UGT1A8: variants seen among roughly 807,000 people sequenced by gnomAD.
UGT1A8 encodes UDP glucuronosyltransferase family 1 member A8, also known as UDP-glucuronosyltransferase 1A8.
A neutral mutation model predicts 45.3 loss-of-function variants in UGT1A8; 39 were observed. The ratio of observed to expected loss-of-function variants is 0.86; its 90% CI spans 0.67 to 1.12. The LOEUF is 1.12. Among genes scored for constraint, UGT1A8 ranks in the 50% most tolerant of loss-of-function variants. The probability of loss-of-function intolerance (pLI) is 0.00; values close to 1 mark genes in which losing one functional copy is unlikely to be tolerated. For synonymous variants in UGT1A8, 275 were observed against 249.2 expected, an observed-to-expected ratio of 1.10 and a Z score of -0.97; for missense variants, 719 against 664.9, an observed-to-expected ratio of 1.08 and a Z score of -0.90.
Position 233,769,822 on chromosome 2 carries a change from T to G in UGT1A8, c.1295+1383T>G, listed in dbSNP as rs978750106. ...ATGAGCCGTGATCATGCCACTGCAC[T>G]CCAGCAACCTGGGCAACAGAGTGAG... On this transcript the variant is annotated intron_variant, in intron 4 of 4. Coordinates refer to ENST00000373450, the MANE Select transcript of UGT1A8 (RefSeq NM_019076.5). This position sits in a 1 kb window ranked among gnomAD's most constrained non-coding sequence, Gnocchi z 4.4. 2.6e-6 allele frequency: 2 copies of G among 764,448 alleles called. No individual in the cohort carries two copies. Among genetic ancestry groups the G allele is most frequent in the Admixed American group, 3.7e-5 (1 of 26,868 alleles). The allele number at this position is 764,448 out of a possible 1,614,324, so 47.4% of individuals were successfully genotyped here.
chr2:233,747,876 T>C, intron 1 of UGT1A8: 1 of 1,613,612 alleles, frequency 6.2e-7, no homozygotes, highest in South Asian at 1.1e-5. Context: ...GGCCCTGTCC[T>C]ACCTTTGCCA....
intron 1 of UGT1A8, among the ~76,000 whole-genome samples, chr2:233,697,370 G>C (rs1402233705): frequency 2.6e-5 from 4 of 152,046 alleles, no homozygotes; most frequent in Non-Finnish European, 2.9e-5. Context: ...GGCATATAGA[G>C]TTCACAATAA....
intron 1 of UGT1A8, chr2:233,740,766 G>A (rs189465133): frequency 3.0e-4 from 46 of 151,826 alleles, no homozygotes; most frequent in Admixed American, 7.8e-4. Context: ...TTATCAAACC[G>A]TTGTATAAAA....
chr2:233,729,045 G>T lies in UGT1A8; in HGVS notation c.856-37989G>T. 4.4e-6 allele frequency: 7 copies of T among 1,607,648 alleles called. No homozygotes were observed. In the South Asian group the frequency reaches 7.8e-5, roughly 18 times the overall value. ...ACGTTGATTTGCTAAGTGGCTCAGT[G>T]ACAAGGTAATTAAGATGAAGAAAGC... On this transcript the variant is annotated intron_variant, in intron 1 of 4. Transcript: ENST00000373450.
At chr2:233,651,866 C>T (rs1338003982) in intron 1 of UGT1A8, among the ~76,000 whole-genome samples, 1 of 152,056 alleles carries the variant, frequency 6.6e-6, no homozygotes, top group Admixed American at 6.6e-5. Context: ...AGGGGTTTTT[C>T]CTGAAGGTCT....
intron 1 of UGT1A8, among the ~76,000 whole-genome samples, chr2:233,643,645 G>T (rs1384064069): frequency 1.3e-5 from 2 of 152,070 alleles, no homozygotes; most frequent in Non-Finnish European, 2.9e-5. Flanking sequence ...CATCACAGCT[G>T]GGAATGTGCT....
chr2:233,630,314 G>A (rs1223953574), intron 1 of UGT1A8, among the ~76,000 whole-genome samples: 2 of 152,122 alleles, frequency 1.3e-5, no homozygotes, highest in Non-Finnish European at 2.9e-5. Context: ...GAGCCATCTT[G>A]TGCTCCTACA....
chr2:233,704,765 G>A (rs1449805023), intron 1 of UGT1A8, among the ~76,000 whole-genome samples: 4 of 151,870 alleles, frequency 2.6e-5, no homozygotes, highest in South Asian at 2.1e-4. Context: ...AATATATTAC[G>A]CTTCCATATG....
chr2:233,707,058 A>C (rs1363542701), intron 1 of UGT1A8, among the ~76,000 whole-genome samples: 1 of 152,162 alleles, frequency 6.6e-6, no homozygotes, highest in Non-Finnish European at 1.5e-5. Flanking sequence ...TCAGGTGGAC[A>C]GAGTCCCATC....
chr2:233,626,827 A>C (rs72984460), intron 1 of UGT1A8, among the ~76,000 whole-genome samples: 3 of 152,210 alleles, frequency 2.0e-5, no homozygotes, highest in Non-Finnish European at 4.4e-5. Flanking sequence ...TGTTGAACTC[A>C]TGGATTCTGG....
intron 1 of UGT1A8, among the ~76,000 whole-genome samples, chr2:233,654,520 AC>A (rs796658899): frequency 4.6e-5 from 7 of 152,370 alleles, no homozygotes; most frequent in African/African-American, 1.2e-4. Flanking sequence ...ATAGAAAAAA[AC>A]GTTTTCTGCA....
At chr2:233,639,742 A>G (rs777146512) in intron 1 of UGT1A8, among the ~76,000 whole-genome samples, 7 of 152,180 alleles carry the variant, frequency 4.6e-5, no homozygotes, top group Admixed American at 3.9e-4. Context: ...TACTTTAACA[A>G]TGATGGCAGA....
At chr2:233,711,354 C>A (rs1387342793) in intron 1 of UGT1A8, among the ~76,000 whole-genome samples, 3 of 152,220 alleles carry the variant, frequency 2.0e-5, no homozygotes, top group Non-Finnish European at 4.4e-5. Flanking sequence ...AACAGGGGAG[C>A]CCCCTGAATG....
intron 1 of UGT1A8, among the ~76,000 whole-genome samples, chr2:233,732,611 G>A (rs570664429): frequency 1.3e-5 from 2 of 152,306 alleles, no homozygotes; most frequent in East Asian, 3.9e-4. Flanking sequence ...AGATCAAATG[G>A]TTGTAGATGT....
chr2:233,637,051 C>T, intron 1 of UGT1A8: 1 of 1,614,030 alleles, frequency 6.2e-7, no homozygotes, highest in Non-Finnish European at 8.5e-7. Flanking sequence ...TTGCCACCAT[C>T]TTGAAGAAGG....
chr2:233,618,511 T>C lies in UGT1A8; in HGVS notation c.804T>C (p.Asn268=), dbSNP rs45567934. The change falls in exon 1 of 5, where the codon AAT becomes AAC. Residue 268 remains asparagine (N), a synonymous_variant. Transcript: ENST00000373450. ...ACTATCCCAAACCCGTGATGCCCAA[T>C]ATGATCTTCATTGGTGGTATCAACT... is the stretch of plus-strand genomic sequence containing the variant. ...VLDYPKPVMP[N]MIFIGGINCH... The C allele has an allele frequency of 1.4e-4, 231 of 1,613,946 alleles. 2 individuals carry two copies. The East Asian group carries it at 4.1e-3, about 29-fold the overall frequency.
At chr2:233,683,513 A>G (rs1257714769) in intron 1 of UGT1A8, among the ~76,000 whole-genome samples, 1 of 152,092 alleles carries the variant, frequency 6.6e-6, no homozygotes, top group Admixed American at 6.5e-5. Context: ...TCATCCTATG[A>G]GTATGGTTGC....
At chr2:233,740,062 C>A (rs6740653) in intron 1 of UGT1A8, among the ~76,000 whole-genome samples, 5,128 of 151,886 alleles carry the variant, frequency 0.034, 157 homozygotes, top group African/African-American at 0.051. Context: ...TACTCACAAG[C>A]TTTTCCTCTC....
chr2:233,713,499 G>A, intron 1 of UGT1A8: 4 of 1,614,000 alleles, frequency 2.5e-6, no homozygotes, highest in Middle Eastern at 1.7e-4. Flanking sequence ...GATTCCTGCT[G>A]TGTTTTTCTT....
Sources: allele counts gnomAD v4.1 joint callset (sites outside exome capture counted in the v4.1 genomes callset), GRCh38; gene constraint gnomAD v4.1.1; non-coding constraint Gnocchi (gnomAD v3.1); transcripts MANE v1.5; gene names NCBI Gene and HGNC (gene_info 2026-07-23, HGNC 2026-07-21).